The following SLC7A1 variants were observed in gnomAD, a reference collection of about 807,000 sequenced individuals.
The protein encoded by SLC7A1 is high affinity cationic amino acid transporter 1.
In SLC7A1, 10 loss-of-function variants were observed where a neutral mutation model predicts 53.9. That is an observed-to-expected ratio of 0.19 (90% confidence interval 0.11 to 0.31). The LOEUF is 0.31. Ranked by LOEUF, SLC7A1 falls within the 10% of genes least tolerant of loss-of-function variation. The probability of loss-of-function intolerance (pLI) is 1.00; values close to 1 mark genes in which losing one functional copy is unlikely to be tolerated. For synonymous variants in SLC7A1, 342 were observed against 338.7 expected (o/e 1.01, Z -0.11); for missense variants, 525 against 827.2 (o/e 0.63, Z 4.48).
chr13:29,515,351 C>T (rs141954786), intron 12 of SLC7A1, among the ~76,000 whole-genome samples: 6 of 152,330 alleles, frequency 3.9e-5, no homozygotes, highest in East Asian at 1.9e-4. Context: ...CTCTAGGAGA[C>T]GTCTGTCTAA....
chr13:29,538,044 C>T (rs536141609), intron 2 of SLC7A1, among the ~76,000 whole-genome samples: 1 of 152,268 alleles, frequency 6.6e-6, no homozygotes, highest in African/African-American at 2.4e-5. Context: ...GGGGATGGTG[C>T]CTGCTCTGTT....
chr13:29,523,125 G>T, intron 7 of SLC7A1, 141 bp downstream of exon 7: 2 of 696,788 alleles, frequency 2.9e-6, no homozygotes, highest in South Asian at 3.4e-5. Context: ...ATCAAAGCTG[G>T]GTTGGGTACT....
intron 3 of SLC7A1, among the ~76,000 whole-genome samples, chr13:29,533,267 C>T (rs992227173): frequency 9.0e-5 from 13 of 144,030 alleles, no homozygotes; most frequent in African/African-American, 1.3e-4. Context: ...GTTCGCAAAA[C>T]GAGTGTTACC....
intron 1 of SLC7A1, among the ~76,000 whole-genome samples, chr13:29,590,966 C>T (rs887232786): frequency 2.0e-4 from 31 of 151,908 alleles, no homozygotes; most frequent in Admixed American, 6.5e-4. Context: ...AAAAATTAGC[C>T]GGGTGTGGTG....
chr13:29,585,427 G>A (rs1182728800), intron 1 of SLC7A1, among the ~76,000 whole-genome samples: 1 of 152,196 alleles, frequency 6.6e-6, no homozygotes, highest in Admixed American at 6.5e-5. Context: ...AATTATCTCA[G>A]CGTATCACAG....
chr13:29,574,432 T>A (rs1027911346), intron 1 of SLC7A1, among the ~76,000 whole-genome samples: 3 of 152,162 alleles, frequency 2.0e-5, no homozygotes, highest in African/African-American at 7.2e-5. Flanking sequence ...AACTCATCTG[T>A]GGGAGTTATG....
rs1050603778 is a variant in SLC7A1, at chr13:29,513,962, C to T, written c.*518G>A. 1.3e-5 allele frequency: 2 copies of T among 154,530 alleles called. No homozygotes were observed. Among genetic ancestry groups the T allele is most frequent in the African/African-American group, 2.4e-5 (1 of 41,512 alleles). The allele number at this position is 154,530 out of a possible 1,614,324, so 9.6% of individuals were successfully genotyped here. ...CAGGCCTGATTTTCCTTTTTAAGTG[C>T]ACTACTGTCATTTGGCTCTGGGGTG... On this transcript the variant is annotated 3_prime_UTR_variant, in exon 13 of 13. Coordinates refer to ENST00000380752, the MANE Select transcript of SLC7A1 (RefSeq NM_003045.5).
Position 29,552,581 on chromosome 13 carries a change from C to T in SLC7A1, c.-15+1180G>A, listed in dbSNP as rs538058867. 5.9e-5 allele frequency among the ~76,000 whole-genome samples: 9 copies of T among 152,206 alleles called. No homozygotes were observed. The South Asian group carries it at 1.9e-3, about 32-fold the overall frequency. ...TGAGGGCAAGGAACACCTGGCCCAC[C>T]GAGGATGGAAAACCGCTTAAAGGTG... On this transcript the variant is annotated intron_variant, in intron 2 of 12. Coordinates refer to ENST00000380752, the MANE Select transcript of SLC7A1 (RefSeq NM_003045.5).
intron 1 of SLC7A1, among the ~76,000 whole-genome samples, chr13:29,590,149 C>T (rs1355107511): frequency 6.6e-6 from 1 of 152,212 alleles, no homozygotes; most frequent in Non-Finnish European, 1.5e-5. Context: ...TGCCTTCTCA[C>T]TGCTGCCCCC....
chr13:29,524,009 A>T, intron 6 of SLC7A1, 123 bp downstream of exon 6: 1 of 910,540 alleles, frequency 1.1e-6, no homozygotes, highest in Non-Finnish European at 1.7e-6. Context: ...CTACAAATCT[A>T]CATGTTGCTC....
intron 1 of SLC7A1, among the ~76,000 whole-genome samples, chr13:29,564,206 C>G (rs1870877038): frequency 6.6e-6 from 1 of 152,160 alleles, no homozygotes; most frequent in South Asian, 2.1e-4. Context: ...CTATCCTGCA[C>G]AGCTCACCTC....
chr13:29,568,569 T>G (rs1453293180), intron 1 of SLC7A1, among the ~76,000 whole-genome samples: 1 of 152,228 alleles, frequency 6.6e-6, no homozygotes, highest in Non-Finnish European at 1.5e-5. Flanking sequence ...AAAATCACCT[T>G]GCACACAGCA....
intron 1 of SLC7A1, among the ~76,000 whole-genome samples, chr13:29,588,363 G>GA (rs1400233785): frequency 6.6e-6 from 1 of 152,084 alleles, no homozygotes; most frequent in African/African-American, 2.4e-5. Flanking sequence ...AAATGGTTCA[G>GA]AAAAAAATGT....
Position 29,522,333 on chromosome 13 carries a change from G to A in SLC7A1, c.1173C>T (p.Ala391=). 6.2e-7 allele frequency: 1 copy of A among 1,614,204 alleles called. No homozygotes were observed. Among genetic ancestry groups the A allele is most frequent in the Non-Finnish European group, 8.5e-7 (1 of 1,180,028 alleles). ...RTKTPIIATL[A]SGAVAAVMAF... ...AGTACTCACCAGCAACGGCACCCGA[G>A]GCTAATGTGGCGATTATTGGTGTTT... The change falls in exon 8 of 13, where the codon GCC becomes GCT. Residue 391 remains alanine, a synonymous_variant. Coordinates refer to ENST00000380752, the MANE Select transcript of SLC7A1 (RefSeq NM_003045.5).
chr13:29,531,442 ACT>A (rs1394117781), intron 4 of SLC7A1, among the ~76,000 whole-genome samples: 9 of 152,036 alleles, frequency 5.9e-5, no homozygotes, highest in Admixed American at 2.0e-4. Flanking sequence ...CCATAGCTGA[ACT>A]CTCTGCTGGG....
chr13:29,578,595 G>C (rs1871509479), intron 1 of SLC7A1, among the ~76,000 whole-genome samples: 1 of 152,228 alleles, frequency 6.6e-6, no homozygotes, highest in Non-Finnish European at 1.5e-5. Flanking sequence ...AAGGGCTGCA[G>C]AGAGGAATGC....
intron 1 of SLC7A1, 86 bp downstream of exon 1, chr13:29,595,330 C>T (rs542678731): frequency 2.6e-5 from 4 of 151,920 alleles, no homozygotes; most frequent in African/African-American, 9.6e-5. Flanking sequence ...GCCGCCCTGC[C>T]GCGGCCCCAC....
In SLC7A1 at chr13:29,514,408, G is replaced by T; in HGVS notation, c.*72C>A. ...TGGTTTCTGTTGCACTGGTGGGGAG[G>T]GTGGGGTGCCTCCCGGTCCTCTGGG... On this transcript the variant is annotated 3_prime_UTR_variant, in exon 13 of 13. Transcript: ENST00000380752. The T allele has an allele frequency of 1.8e-6, 2 of 1,089,554 alleles. No homozygotes were observed. The highest frequency in any genetic ancestry group is 2.8e-6 in the Non-Finnish European group (2 of 726,188). The allele number at this position is 1,089,554 out of a possible 1,614,324, so 67.5% of individuals were successfully genotyped here.
chr13:29,517,302 T>A lies in SLC7A1; in HGVS notation c.1519A>T (p.Ile507Phe). 6.2e-7 allele frequency: 1 copy of A among 1,610,878 alleles called. No homozygotes were observed. Among genetic ancestry groups the A allele is most frequent in the Non-Finnish European group, 8.5e-7 (1 of 1,178,734 alleles). The change falls in exon 11 of 13, where the codon ATC becomes TTC. Residue 507 changes from isoleucine to phenylalanine, a missense_variant. Coordinates refer to ENST00000380752, the MANE Select transcript of SLC7A1 (RefSeq NM_003045.5). ...NISTSLIAVL[I>F]ITFCIVTVLG... ...ACGGTCACAATGCAGAAGGTGATGA[T>A]GAGAACAGCTAAGGGGGAAGGAAAA... is the stretch of plus-strand genomic sequence containing the variant.
Sources: gnomAD v4.1 joint callset for allele counts (sites outside exome capture counted in the v4.1 genomes callset) on GRCh38, gnomAD v4.1.1 for gene constraint, MANE v1.5 for transcripts, NCBI Gene and HGNC (gene_info 2026-07-23, HGNC 2026-07-21) for gene names.